The following BRSK2 variants were observed in gnomAD, a reference collection of about 807,000 sequenced individuals.
BRSK2 encodes serine/threonine-protein kinase BRSK2.
A neutral mutation model predicts 83.3 loss-of-function variants in BRSK2; 19 were observed. That is an observed-to-expected ratio of 0.23 (90% CI 0.16 to 0.33). BRSK2 has a LOEUF of 0.33. Among genes scored for constraint, BRSK2 ranks in the 10% least tolerant of loss-of-function variants. The pLI, the probability that BRSK2 is intolerant of heterozygous loss-of-function variation, is 1.00. For missense variants in BRSK2, 798 were observed against 1,042.3 expected (o/e 0.77, Z 3.23); for synonymous variants, 519 against 435.4 (o/e 1.19, Z -2.39).
chr11:1,404,681 G>A (rs1260709319), intron 1 of BRSK2, among the ~76,000 whole-genome samples: 2 of 152,206 alleles, frequency 1.3e-5, no homozygotes, highest in Non-Finnish European at 2.9e-5. Context: ...AGATGCTAAC[G>A]TTTGGGAGGG....
At chr11:1,428,764 G>A (rs772888724) in intron 1 of BRSK2, among the ~76,000 whole-genome samples, 33 of 152,106 alleles carry the variant, frequency 2.2e-4, no homozygotes, top group Non-Finnish European at 3.2e-4. Context: ...GTATGTGCAC[G>A]AGTGTGTGTG....
chr11:1,450,346 GCAGGCCGCC>G (rs1403966410), intron 13 of BRSK2, among the ~76,000 whole-genome samples: 8 of 152,142 alleles, frequency 5.3e-5, no homozygotes, highest in Non-Finnish European at 1.2e-4. Context: ...TCCTCCCTCT[GCAGGCCGCC>G]CTGCGGCCCG....
chr11:1,445,105 C>T (rs927822169), intron 9 of BRSK2, 103 bp downstream of exon 9: 50 of 1,526,282 alleles, frequency 3.3e-5, no homozygotes, highest in Non-Finnish European at 4.3e-5. Flanking sequence ...AGCGCAGGTC[C>T]TGCCCTGCCT....
chr11:1,408,988 ATGTC>A (rs958539114), intron 1 of BRSK2, among the ~76,000 whole-genome samples: 1 of 54,086 alleles, frequency 1.8e-5, no homozygotes, highest in Admixed American at 1.6e-4. Context: ...GTGTGTGTGT[ATGTC>A]TGTGCAGGGG....
chr11:1,416,893 G>T (rs1848149204), intron 1 of BRSK2, among the ~76,000 whole-genome samples: 1 of 152,136 alleles, frequency 6.6e-6, no homozygotes, highest in Non-Finnish European at 1.5e-5. Flanking sequence ...AGGCGCGGTG[G>T]CTCATGCCTG....
At chr11:1,450,239 C>T (rs1386005411) in intron 13 of BRSK2, among the ~76,000 whole-genome samples, 2 of 152,096 alleles carry the variant, frequency 1.3e-5, no homozygotes, top group East Asian at 3.9e-4. Flanking sequence ...GAAGCTTGTC[C>T]TGCCCCCACC....
At chr11:1,437,259 G>A (rs117562956) in intron 2 of BRSK2, among the ~76,000 whole-genome samples, 4,034 of 152,264 alleles carry the variant, frequency 0.026, 64 homozygotes, top group Non-Finnish European at 0.033. Flanking sequence ...ACAGATGTCC[G>A]CCTGGGAGGG....
chr11:1,451,308 C>T, intron 14 of BRSK2, 63 bp from the exon 15 acceptor site: 1 of 1,593,952 alleles, frequency 6.3e-7, no homozygotes, highest in Non-Finnish European at 8.6e-7. Flanking sequence ...CGCAAGGTGG[C>T]CAGGGCAGGG....
At chr11:1,440,726 T>C (rs986856632) in intron 3 of BRSK2, 62 bp from the exon 4 acceptor site, 4 of 1,522,994 alleles carry the variant, frequency 2.6e-6, no homozygotes, top group East Asian at 2.5e-5. Context: ...TGGGAGGCCC[T>C]GGGATGAGGA....
At position 1,429,551 on chromosome 11, in the gene BRSK2, G is replaced by A. The variant is rs146327483; in HGVS notation, c.92-6489G>A. ...GTGCCCAGCAGTGAGCGTCTTCTGCGGTCTGGTCAGGTTTTGCCACTGTGC... is the reference window on the plus strand; with the variant it reads ...GTGCCCAGCAGTGAGCGTCTTCTGCAGTCTGGTCAGGTTTTGCCACTGTGC... On this transcript the variant is annotated intron_variant, in intron 1 of 19. Transcript: ENST00000528841. 0.016 allele frequency among the ~76,000 whole-genome samples: 1,758 copies of A among 106,634 alleles called. 282 individuals carry two copies. In the East Asian group the frequency reaches 0.18, roughly 11 times the overall value. The allele number at this position is 106,634 out of a possible 152,430, so 70.0% of individuals were successfully genotyped here. A position where few individuals can be genotyped will look rare whatever the true frequency, so the allele number is the denominator to read the frequency against.
At position 1,460,596 on chromosome 11, in the gene BRSK2, G is replaced by A. The variant is rs1590739632; in HGVS notation, c.2084G>A (p.Arg695Gln). ...CAGGCCCCCAGCACGCCCGCCAAGC[G>A]GAGTGCCCACGGCCCACTCGGTGAC... ...AAQAPSTPAK[R>Q]SAHGPLGDSA... is the part of the protein sequence containing the mutation. Residue 695 changes from arginine to glutamine, a missense_variant, in exon 20 of 20, where the codon CGG becomes CAG. Coordinates refer to ENST00000528841, the MANE Select transcript of BRSK2 (RefSeq NM_001256627.2). The A allele has an allele frequency of 1.3e-6, 2 of 1,532,754 alleles. No homozygotes were observed. Among genetic ancestry groups the A allele is most frequent in the South Asian group, 1.2e-5 (1 of 83,940 alleles). The allele number at this position is 1,532,754 out of a possible 1,614,324, so 94.9% of individuals were successfully genotyped here. A position where few individuals can be genotyped will look rare whatever the true frequency, so the allele number is the denominator to read the frequency against.
At chr11:1,411,195 C>T in intron 1 of BRSK2, 1 of 1,236,538 alleles carries the variant, frequency 8.1e-7, no homozygotes, top group Non-Finnish European at 1.0e-6. Context: ...ACTGAGCCAG[C>T]CTTGCTGAGG....
chr11:1,459,525 T>C (rs1847135778), intron 19 of BRSK2: 3 of 475,168 alleles, frequency 6.3e-6, no homozygotes, highest in Non-Finnish European at 1.2e-5. Context: ...CCAGTGAGGG[T>C]CCCGCTGGTC....
chr11:1,456,605 C>G lies in BRSK2; in HGVS notation c.1857C>G (p.Ser619Arg). 1 of 1,610,740 alleles carries G rather than the reference C, an allele frequency of 6.2e-7. No individual in the cohort carries two copies. The highest frequency in any genetic ancestry group is 8.5e-7 in the Non-Finnish European group (1 of 1,179,236). Residue 619 changes from serine to arginine, a missense_variant, in exon 18 of 20, where the codon AGC (serine) becomes AGG (arginine). By Grantham distance (110) the Ser-to-Arg change is moderately radical. Around this residue, in one of 6 missense-constraint regions of BRSK2, gnomAD observed 455 missense variants for 455.2 expected, o/e 1.00. Coordinates refer to ENST00000528841, the MANE Select transcript of BRSK2 (RefSeq NM_001256627.2). ...SVTFTLLSGPSRRFKRVVETI... is the reference protein window; with the variant it reads ...SVTFTLLSGPRRRFKRVVETI... ...ACCCCCTGTCTCCCCTAGGCCCCAG[C>G]CGTCGCTTCAAGAGGGTGGTGGAGA...
intron 1 of BRSK2, among the ~76,000 whole-genome samples, chr11:1,414,146 G>A (rs1314869704): frequency 6.6e-6 from 1 of 152,246 alleles, no homozygotes; most frequent in Admixed American, 6.5e-5. Context: ...AAATTTTTCT[G>A]TACGAACTAG....
intron 11 of BRSK2, 37 bp from the exon 12 acceptor site, chr11:1,445,720 C>T (rs1168274032): frequency 1.2e-6 from 2 of 1,610,842 alleles, no homozygotes; most frequent in Non-Finnish European, 1.7e-6. Context: ...CCACCGGGGT[C>T]CGGGGGCTGT....
chr11:1,411,350 GCCCCA>G (rs1346169954), intron 1 of BRSK2: 27 of 1,441,754 alleles, frequency 1.9e-5, no homozygotes, highest in Non-Finnish European at 2.3e-5. Context: ...GCACAGTTCT[GCCCCA>G]TCTGGCCCTA....
chr11:1,422,443 G>T (rs1381814843), intron 1 of BRSK2, among the ~76,000 whole-genome samples: 1 of 152,166 alleles, frequency 6.6e-6, no homozygotes, highest in Non-Finnish European at 1.5e-5. Context: ...GCCGAGGCTG[G>T]CTCAGGATGC....
rs765787369 is a variant in BRSK2, at chr11:1,411,615, C to T, written c.91+21240C>T. 1.1e-5 allele frequency: 17 copies of T among 1,563,422 alleles called. No homozygotes were observed. In the Admixed American group the frequency reaches 3.1e-4, roughly 29 times the overall value. The stretch of plus-strand genomic sequence containing the variant: ...TCCTCAAGGCCAGACCTGGCTCTGC[C>T]TGCAGCCCAGCCCAGCAGGTGCGTG... On this transcript the variant is annotated intron_variant, in intron 1 of 19. Coordinates refer to ENST00000528841, the MANE Select transcript of BRSK2 (RefSeq NM_001256627.2).
Sources: gnomAD v4.1 joint callset for allele counts (sites outside exome capture counted in the v4.1 genomes callset) on GRCh38, gnomAD v4.1.1 for gene constraint, gnomAD v4.1.1 regional missense constraint, MANE v1.5 for transcripts, NCBI Gene and HGNC (gene_info 2026-07-23, HGNC 2026-07-21) for gene names.